Variants in BCO2 observed in about 807,000 individuals in gnomAD.
BCO2 encodes the protein carotenoid-cleaving dioxygenase, mitochondrial.
Under a neutral mutation model 65.8 loss-of-function variants are expected in BCO2, and 56 were observed. The ratio of observed to expected loss-of-function variants is 0.85; its 90% confidence interval spans 0.69 to 1.06. The LOEUF (loss-of-function observed/expected upper bound fraction) is 1.06. Ranked by LOEUF, BCO2 falls within the 50% of genes least tolerant of loss-of-function variation. The probability of loss-of-function intolerance (pLI) is 0.00; values close to 1 mark genes in which losing one functional copy is unlikely to be tolerated. For synonymous variants in BCO2, 233 were observed against 242.3 expected (o/e 0.96, Z 0.36); for missense variants, 675 against 698.5 (o/e 0.97, Z 0.38).
In BCO2 at chr11:112,200,677, C is replaced by A; in HGVS notation, c.930C>A (p.Ala310=). The change falls in exon 7 of 12, where the codon GCC becomes GCA. Residue 310 remains alanine (A), a synonymous_variant. Coordinates refer to ENST00000357685, the MANE Select transcript of BCO2 (RefSeq NM_031938.7). ...TAAAGATGAACCTGTGGAAAATTGC[C>A]ACTTCTAAAATTCGGGGAAAGGCCT... ...QPLKMNLWKI[A]TSKIRGKAFS... 1 of 1,613,684 alleles carries A rather than the reference C, an allele frequency of 6.2e-7. No homozygotes were observed. The highest frequency in any genetic ancestry group is 8.5e-7 in the Non-Finnish European group (1 of 1,179,842).
intron 2 of BCO2, 30 bp from the exon 3 acceptor site, chr11:112,193,444 T>A: frequency 6.4e-7 from 1 of 1,572,502 alleles, no homozygotes; most frequent in Non-Finnish European, 8.7e-7. Context: ...GTTTTCTTAC[T>A]GATATTTATT....
intron 2 of BCO2, among the ~76,000 whole-genome samples, chr11:112,182,414 T>C (rs4938031): frequency 0.83 from 126,802 of 152,080 alleles, 53,074 homozygotes; most frequent in South Asian, 0.9. Context: ...ATGTTTATTG[T>C]GGCACTATTC....
intron 2 of BCO2, among the ~76,000 whole-genome samples, chr11:112,190,228 G>T (rs909398481): frequency 1.4e-4 from 21 of 152,144 alleles, no homozygotes; most frequent in African/African-American, 4.6e-4. Flanking sequence ...AGGATGCAGT[G>T]AGCTATGACA....
chr11:112,204,777 ATTC>A (rs899290580), intron 8 of BCO2, among the ~76,000 whole-genome samples: 2 of 152,088 alleles, frequency 1.3e-5, no homozygotes, highest in African/African-American at 4.8e-5. Context: ...AGTTCAAGCA[ATTC>A]TCCAGCCTCA....
At chr11:112,202,226 A>G in intron 8 of BCO2, 36 bp downstream of exon 8, 2 of 1,563,550 alleles carry the variant, frequency 1.3e-6, no homozygotes. Flanking sequence ...CATCAAAATA[A>G]TTTTGAACTC....
chr11:112,183,305 A>T (rs1482178186), intron 2 of BCO2: 1 of 634,380 alleles, frequency 1.6e-6, no homozygotes, highest in East Asian at 2.7e-5. Context: ...AAATTTTAAA[A>T]AAACATTTAG....
intron 8 of BCO2, among the ~76,000 whole-genome samples, chr11:112,207,481 C>T (rs947534203): frequency 2.0e-5 from 3 of 152,172 alleles, no homozygotes; most frequent in African/African-American, 4.8e-5. Context: ...AGTCAAGTAT[C>T]TGTATATGCA....
Position 112,216,232 on chromosome 11 carries a change from G to C in BCO2, c.1528G>C (p.Asp510His). Residue 510 changes from aspartate to histidine, a missense_variant, in exon 11 of 12, where the codon GAT becomes CAT. Coordinates refer to ENST00000357685, the MANE Select transcript of BCO2 (RefSeq NM_031938.7). ...TTGGGACTTGCAGGTTTGGAGAGAA[G>C]ATGGCTTTTATCCCTCAGAACCTGT... is the stretch of plus-strand genomic sequence containing the variant. ...VNKTLKVWRE[D>H]GFYPSEPVFV... is the part of the protein sequence containing the mutation. 6.2e-7 allele frequency: 1 copy of C among 1,613,938 alleles called. No individual in the cohort carries two copies. Among genetic ancestry groups the C allele is most frequent in the Non-Finnish European group, 8.5e-7 (1 of 1,179,832 alleles).
At chr11:112,177,826 C>T (rs549305931) in intron 1 of BCO2, among the ~76,000 whole-genome samples, 19 of 152,034 alleles carry the variant, frequency 1.2e-4, no homozygotes, top group African/African-American at 4.3e-4. Context: ...CCCCAGCTCA[C>T]ACCCTTAAAT....
In BCO2 at chr11:112,214,735, T is replaced by C. The variant is rs372889984; in HGVS notation, c.1333-27T>C. On this transcript the variant is annotated intron_variant, in intron 9 of 11. Coordinates refer to ENST00000357685, the MANE Select transcript of BCO2 (RefSeq NM_031938.7). ...AGGAAAATAAGAATTAAGCAACCAC[T>C]ACAAATCCTTTTGAAATCTCTTTTA... 38 of 1,597,166 alleles carry C rather than the reference T, an allele frequency of 2.4e-5. No individual in the cohort carries two copies. The African/African-American group carries it at 4.7e-4, about 20-fold the overall frequency.
Position 112,213,804 on chromosome 11 carries a change from C to T in BCO2, c.1275C>T (p.Asp425=). 1 of 1,613,424 alleles carries T rather than the reference C, an allele frequency of 6.2e-7. No homozygotes were observed. Among genetic ancestry groups the T allele is most frequent in the Non-Finnish European group, 8.5e-7 (1 of 1,179,722 alleles). ...TCAGTTTGAATGCCCCTGAGGGAGA[C>T]AACCTGAGTCCATTGTCCTATACTT... ...LNVSLNAPEG[D]NLSPLSYTSA... The change falls in exon 9 of 12, where the codon GAC becomes GAT. Residue 425 remains aspartate (D), a synonymous_variant. Coordinates refer to ENST00000357685, the MANE Select transcript of BCO2 (RefSeq NM_031938.7).
intron 11 of BCO2, 50 bp downstream of exon 11, chr11:112,216,380 A>G (rs776633529): frequency 1.5e-6 from 2 of 1,302,548 alleles, no homozygotes; most frequent in South Asian, 2.4e-5. Context: ...GCACTGAGTC[A>G]TCTGATAAAT....
chr11:112,208,839 A>T (rs1316748713), intron 8 of BCO2: 2 of 183,654 alleles, frequency 1.1e-5, no homozygotes, highest in Non-Finnish European at 2.4e-5. Context: ...TCAGAAATAT[A>T]GAAGTAAACT....
intron 5 of BCO2, among the ~76,000 whole-genome samples, chr11:112,196,356 T>C (rs368954502): frequency 1.3e-5 from 2 of 152,262 alleles, no homozygotes; most frequent in East Asian, 1.9e-4. Flanking sequence ...TTGATAGACA[T>C]TTGGGGGAAA....
chr11:112,192,182 A>G (rs1264502980), intron 2 of BCO2, among the ~76,000 whole-genome samples: 1 of 152,140 alleles, frequency 6.6e-6, no homozygotes, highest in Non-Finnish European at 1.5e-5. Flanking sequence ...ATCATACAGC[A>G]TTTGTCTTTT....
chr11:112,213,973 G>A (rs1383368779), intron 9 of BCO2, 112 bp downstream of exon 9: 6 of 928,856 alleles, frequency 6.5e-6, no homozygotes, highest in Admixed American at 2.6e-5. Flanking sequence ...ACATTCATCC[G>A]AGCAGGTTAA....
Position 112,216,305 on chromosome 11 carries a change from T to G in BCO2, c.1601T>G (p.Leu534Arg). 6.2e-7 allele frequency: 1 copy of G among 1,614,134 alleles called. No individual in the cohort carries two copies. The highest frequency in any genetic ancestry group is 8.5e-7 in the Non-Finnish European group (1 of 1,179,950). Residue 534 changes from leucine to arginine, a missense_variant, in exon 11 of 12, where the codon CTT becomes CGT. By Grantham distance (102) the Leu-to-Arg change is moderately radical. Transcript: ENST00000357685. ...AATGAAGAAGATGGTGGGGTTATTCTTTCTGTGGTGATCACTCCCAACCAG... is the reference window on the plus strand; with the variant it reads ...AATGAAGAAGATGGTGGGGTTATTCGTTCTGTGGTGATCACTCCCAACCAG... ...GTNEEDGGVILSVVITPNQNE... is the reference protein window; with the variant it reads ...GTNEEDGGVIRSVVITPNQNE...
At chr11:112,181,178 T>TTA in intron 2 of BCO2, 65 of 826,158 alleles carry the variant, frequency 7.9e-5, no homozygotes, top group Middle Eastern at 3.6e-4. Context: ...TAGAGGAGCT[T>TTA]TCTTTTTTTT....
chr11:112,188,846 G>T (rs760303966), intron 2 of BCO2, among the ~76,000 whole-genome samples: 1 of 151,460 alleles, frequency 6.6e-6, no homozygotes, highest in African/African-American at 2.4e-5. Context: ...TTGGCACAAT[G>T]CCTGGCAGAT....
Sources: gnomAD v4.1 joint callset for allele counts (sites outside exome capture counted in the v4.1 genomes callset) on GRCh38, gnomAD v4.1.1 for gene constraint, MANE v1.5 for transcripts, NCBI Gene and HGNC (gene_info 2026-07-23, HGNC 2026-07-21) for gene names.